SRGAP3: variants seen among roughly 807,000 people sequenced by gnomAD.
The protein encoded by SRGAP3 is SLIT-ROBO Rho GTPase activating protein 3.
In SRGAP3, 39 loss-of-function variants were observed where a neutral mutation model predicts 121.1. The observed-to-expected ratio is 0.32, with a 90% CI of 0.25 to 0.42. The LOEUF (loss-of-function observed/expected upper bound fraction) is 0.42, where lower values mean the gene tolerates loss of function less well. Ranked by LOEUF, SRGAP3 falls within the 10% of genes least tolerant of loss-of-function variation. SRGAP3 has a pLI of 1.00. For missense variants in SRGAP3, 1,213 were observed against 1,470.6 expected (o/e 0.82, Z 2.86); for synonymous variants, 601 against 570.0 (o/e 1.05, Z -0.77).
At chr3:9,110,747 A>T (rs1407572213) in intron 2 of SRGAP3, among the ~76,000 whole-genome samples, 1 of 152,250 alleles carries the variant, frequency 6.6e-6, no homozygotes, top group African/African-American at 2.4e-5. Context: ...TTTGTAGTCT[A>T]AAAGGCTGGG....
At chr3:9,159,735 C>T (rs556369628) in intron 1 of SRGAP3, among the ~76,000 whole-genome samples, 40 of 152,284 alleles carry the variant, frequency 2.6e-4, no homozygotes, top group African/African-American at 9.4e-4. Flanking sequence ...AGAGTAAGAA[C>T]CACATCTCAC....
intron 3 of SRGAP3, among the ~76,000 whole-genome samples, chr3:9,279,562 G>A: frequency 1.4e-5 from 2 of 145,130 alleles, no homozygotes; most frequent in South Asian, 2.2e-4. Flanking sequence ...TGCCCAGGCT[G>A]GAGTGCAGTG....
chr3:9,244,156 G>A (rs545198909), intron 1 of SRGAP3, among the ~76,000 whole-genome samples: 2 of 152,232 alleles, frequency 1.3e-5, no homozygotes, highest in East Asian at 3.9e-4. Context: ...GATTCAGTTC[G>A]TTCTGGCTCT....
At chr3:9,132,323 G>A (rs1372013753) in intron 1 of SRGAP3, among the ~76,000 whole-genome samples, 10 of 152,100 alleles carry the variant, frequency 6.6e-5, no homozygotes, top group African/African-American at 2.2e-4. Context: ...TTTGACAAAC[G>A]TCTAATGTCA....
At chr3:9,117,241 T>C (rs1948838696) in intron 2 of SRGAP3, among the ~76,000 whole-genome samples, 1 of 152,276 alleles carries the variant, frequency 6.6e-6, no homozygotes, top group Non-Finnish European at 1.5e-5. Context: ...GCTCAATTTA[T>C]ATGCTACAAA....
intron 1 of SRGAP3, among the ~76,000 whole-genome samples, chr3:9,142,928 T>C (rs1949908884): frequency 6.7e-6 from 1 of 148,548 alleles, no homozygotes; most frequent in South Asian, 2.2e-4. Flanking sequence ...GCCTTGACCT[T>C]TCAGGCTCAA....
intron 3 of SRGAP3, among the ~76,000 whole-genome samples, chr3:9,094,518 A>G (rs144823652): frequency 5.2e-4 from 79 of 152,166 alleles, no homozygotes; most frequent in Middle Eastern, 3.4e-3. Flanking sequence ...AAAGGTCCAT[A>G]CCCCTTCCAG....
intron 2 of SRGAP3, among the ~76,000 whole-genome samples, chr3:9,112,507 G>T (rs559427625): frequency 6.6e-6 from 1 of 152,344 alleles, no homozygotes; most frequent in South Asian, 2.1e-4. Flanking sequence ...TCTAGTGGGG[G>T]TCTCAGATAA....
chr3:9,199,299 G>A (rs1952002254), intron 1 of SRGAP3, among the ~76,000 whole-genome samples: 2 of 152,190 alleles, frequency 1.3e-5, no homozygotes, highest in Admixed American at 6.5e-5. Flanking sequence ...CAGCACCTCA[G>A]AAGCATTCAT....
intron 1 of SRGAP3, among the ~76,000 whole-genome samples, chr3:9,245,635 T>C (rs1270135178): frequency 1.3e-5 from 2 of 152,068 alleles, no homozygotes; most frequent in Non-Finnish European, 2.9e-5. Context: ...GAAAAAATGC[T>C]TACAAGGGTC....
intron 1 of SRGAP3, among the ~76,000 whole-genome samples, chr3:9,132,019 A>G (rs1949473057): frequency 6.6e-6 from 1 of 152,058 alleles, no homozygotes; most frequent in Non-Finnish European, 1.5e-5. Context: ...AAGATTCCTC[A>G]TACTCCCCAC....
intron 4 of SRGAP3, among the ~76,000 whole-genome samples, chr3:9,075,980 T>C (rs73015434): frequency 0.074 from 11,232 of 152,258 alleles, 472 homozygotes; most frequent in Middle Eastern, 0.095. Flanking sequence ...TGTGACTCTG[T>C]AAGGGGAGGG....
chr3:9,099,349 G>A (rs777211077), intron 3 of SRGAP3, among the ~76,000 whole-genome samples: 1 of 152,142 alleles, frequency 6.6e-6, no homozygotes, highest in Non-Finnish European at 1.5e-5. Context: ...CATCACGGCC[G>A]GGGCAAGTAA....
intron 8 of SRGAP3, among the ~76,000 whole-genome samples, chr3:9,053,473 C>T (rs1179658973): frequency 6.6e-6 from 1 of 152,198 alleles, no homozygotes; most frequent in Non-Finnish European, 1.5e-5. Context: ...ATGGCTTCTG[C>T]CAGAGAGAAC....
At chr3:9,211,208 T>C (rs1952435413) in intron 1 of SRGAP3, among the ~76,000 whole-genome samples, 1 of 152,116 alleles carries the variant, frequency 6.6e-6, no homozygotes. Context: ...AATAAACAGG[T>C]AAATAAAGAG....
At position 8,982,862 on chromosome 3, in the gene SRGAP3, TAAAG is replaced by T. The variant is rs1049110604; in HGVS notation, c.*2653_*2656del. The T allele has an allele frequency of 2.7e-5, 6 of 224,118 alleles. No individual in the cohort carries two copies. Among genetic ancestry groups the T allele is most frequent in the African/African-American group, 6.8e-5 (3 of 44,208 alleles). The allele number at this position is 224,118 out of a possible 1,614,324, so 13.9% of individuals were successfully genotyped here. A position where few individuals can be genotyped will look rare whatever the true frequency, so the allele number is the denominator to read the frequency against. ...AATGGAAAAAAAAAAAAAAGGTGCT[TAAAG>T]AAAACAGCTAAGACTCTGCCCTCAG... On this transcript the variant is annotated 3_prime_UTR_variant, in exon 22 of 22. Coordinates refer to ENST00000383836, the MANE Select transcript of SRGAP3 (RefSeq NM_014850.4).
At chr3:9,104,026 A>G (rs936577883) in intron 3 of SRGAP3, among the ~76,000 whole-genome samples, 3 of 152,236 alleles carry the variant, frequency 2.0e-5, no homozygotes, top group Non-Finnish European at 4.4e-5. Flanking sequence ...AGTGTTATTT[A>G]TAAGAGTAAA....
At chr3:9,123,390 CATACACAAT>C (rs1949091813) in intron 2 of SRGAP3, among the ~76,000 whole-genome samples, 1 of 56,290 alleles carries the variant, frequency 1.8e-5, no homozygotes, top group Admixed American at 2.2e-4. Flanking sequence ...TATATATATA[CATACACAAT>C]ACACATACAT....
At chr3:9,289,389 T>A (rs1404869505) in intron 3 of SRGAP3, among the ~76,000 whole-genome samples, 1 of 152,212 alleles carries the variant, frequency 6.6e-6, no homozygotes, top group Non-Finnish European at 1.5e-5. Context: ...TCACCATGAA[T>A]TGAAATCTCT....
Sources: allele counts gnomAD v4.1 joint callset (sites outside exome capture counted in the v4.1 genomes callset), GRCh38; gene constraint gnomAD v4.1.1; transcripts MANE v1.5; gene names NCBI Gene and HGNC (gene_info 2026-07-23, HGNC 2026-07-21).